The following UNC80 variants were observed in gnomAD, a reference collection of about 807,000 sequenced individuals.
UNC80 encodes the protein unc-80 subunit of NALCN channel complex.
In UNC80, 164 loss-of-function variants were observed where a neutral mutation model predicts 384.6. That is an observed-to-expected ratio of 0.43 (90% CI 0.38 to 0.49). The LOEUF (loss-of-function observed/expected upper bound fraction) is 0.49. Among genes scored for constraint, UNC80 ranks in the 20% least tolerant of loss-of-function variants. The pLI is 0.00. For synonymous variants in UNC80, 1,486 were observed against 1,527.8 expected (o/e 0.97, Z 0.64); for missense variants, 3,330 against 4,143.0 (o/e 0.80, Z 5.39).
intron 59 of UNC80, among the ~76,000 whole-genome samples, chr2:209,980,324 C>T (rs905411718): frequency 6.6e-6 from 1 of 152,020 alleles, no homozygotes; most frequent in African/African-American, 2.4e-5. Context: ...TTGCAGGTAA[C>T]CTTATAAATA....
chr2:209,977,068 T>C lies in UNC80; in HGVS notation c.8928T>C (p.His2976=), dbSNP rs2093032495. 1 of 1,519,566 alleles carries C rather than the reference T, an allele frequency of 6.6e-7. No individual in the cohort carries two copies. The highest frequency in any genetic ancestry group is 1.2e-5 in the South Asian group (1 of 82,672). The allele number at this position is 1,519,566 out of a possible 1,614,324, so 94.1% of individuals were successfully genotyped here. ...TAAAAATTCTAAAAGAGGCAGTTCA[T>C]AGTGGATCAGGTGAGTGTGCATGAG... ...SELKILKEAV[H]SGSAYQGKTS... Residue 2976 remains histidine (H), a synonymous_variant, in exon 58 of 65, where the codon CAT becomes CAC. Coordinates refer to ENST00000673920, the MANE Select transcript of UNC80 (RefSeq NM_001371986.1).
At chr2:209,982,377 A>T (rs748470870) in intron 60 of UNC80, 60 bp downstream of exon 60, 75 of 1,474,620 alleles carry the variant, frequency 5.1e-5, no homozygotes, top group Non-Finnish European at 6.5e-5. Context: ...AATTCTGAAA[A>T]TACACTCCTG....
At chr2:209,776,789 G>C (rs1302728930) in intron 3 of UNC80, among the ~76,000 whole-genome samples, 1 of 152,090 alleles carries the variant, frequency 6.6e-6, no homozygotes, top group Non-Finnish European at 1.5e-5. Flanking sequence ...ATGTGCATAA[G>C]AACTATTTTT....
intron 26 of UNC80, among the ~76,000 whole-genome samples, chr2:209,889,900 G>A (rs1022706376): frequency 3.9e-5 from 6 of 152,058 alleles, no homozygotes; most frequent in African/African-American, 1.4e-4. Flanking sequence ...TAGTAGAGAT[G>A]AGGTTTCACC....
At chr2:209,842,562 A>G in intron 21 of UNC80, 116 bp downstream of exon 21, 1 of 764,724 alleles carries the variant, frequency 1.3e-6, no homozygotes, top group Non-Finnish European at 2.1e-6. Flanking sequence ...TTTCTTTCTC[A>G]TACATGCCTT....
intron 46 of UNC80, 123 bp downstream of exon 46, chr2:209,945,312 C>A: frequency 9.7e-7 from 1 of 1,031,444 alleles, no homozygotes; most frequent in East Asian, 2.9e-5. Flanking sequence ...ATCAAAGTAG[C>A]AAAAATAAAT....
intron 31 of UNC80, among the ~76,000 whole-genome samples, chr2:209,915,404 CAAAA>C (rs5838189): frequency 1.3e-5 from 1 of 76,988 alleles, no homozygotes; most frequent in Admixed American, 1.4e-4. Context: ...GACTCTGTCT[CAAAA>C]AAAAAAAAAA....
At chr2:209,812,129 A>G in intron 7 of UNC80, among the ~76,000 whole-genome samples, 1 of 152,006 alleles carries the variant, frequency 6.6e-6, no homozygotes, top group Non-Finnish European at 1.5e-5. Context: ...GGCTCACTGC[A>G]AGCTCCGCCT....
intron 22 of UNC80, among the ~76,000 whole-genome samples, chr2:209,866,497 C>CAA (rs2083800776): frequency 4.2e-5 from 5 of 120,270 alleles, no homozygotes; most frequent in African/African-American, 1.6e-4. Flanking sequence ...CCCCCACACA[C>CAA]ACACACACAC....
Position 209,873,344 on chromosome 2 carries a change from T to C in UNC80, c.3840+374T>C, listed in dbSNP as rs1275640536. Reference sequence around the variant, plus strand: ...TCTTTTTGAAAGTCATTGTTATAATTGTAAAATACACCCTTATTTCAGTTT... The same window carrying C: ...TCTTTTTGAAAGTCATTGTTATAATCGTAAAATACACCCTTATTTCAGTTT... On this transcript the variant is annotated intron_variant, in intron 23 of 64. Coordinates refer to ENST00000673920, the MANE Select transcript of UNC80 (RefSeq NM_001371986.1). Among the ~76,000 whole-genome samples, 4 of 152,212 alleles carry C rather than the reference T, an allele frequency of 2.6e-5. No homozygotes were observed. In the East Asian group the frequency reaches 7.7e-4, roughly 29 times the overall value.
chr2:209,803,385 C>T (rs2153826457), intron 7 of UNC80, among the ~76,000 whole-genome samples: 1 of 152,218 alleles, frequency 6.6e-6, no homozygotes, highest in East Asian at 1.9e-4. Context: ...TATTTGATGA[C>T]AACAAAGTTA....
At chr2:209,780,199 C>T (rs1439298331) in intron 4 of UNC80, among the ~76,000 whole-genome samples, 1 of 152,154 alleles carries the variant, frequency 6.6e-6, no homozygotes, top group Non-Finnish European at 1.5e-5. Context: ...GAAAAGCTGA[C>T]TTAAGACCCT....
intron 29 of UNC80, among the ~76,000 whole-genome samples, chr2:209,910,809 C>T (rs989073162): frequency 2.6e-5 from 4 of 151,954 alleles, no homozygotes; most frequent in African/African-American, 9.7e-5. Context: ...ATTTAAGAAT[C>T]ATATTTTCAA....
intron 38 of UNC80, among the ~76,000 whole-genome samples, 160 bp from the exon 39 acceptor site, chr2:209,933,662 T>G (rs2091048758): frequency 6.6e-6 from 1 of 152,130 alleles, no homozygotes; most frequent in Non-Finnish European, 1.5e-5. Flanking sequence ...TTTCCAGTTA[T>G]GCCCTCTCCT....
chr2:209,849,783 A>G (rs2124838810), intron 22 of UNC80, among the ~76,000 whole-genome samples, 160 bp downstream of exon 22: 1 of 152,178 alleles, frequency 6.6e-6, no homozygotes, highest in Admixed American at 6.6e-5. Context: ...AAAAGGGAGA[A>G]AAATCTTAAT....
intron 43 of UNC80, 60 bp from the exon 44 acceptor site, chr2:209,941,161 C>T (rs2091605479): frequency 6.9e-7 from 1 of 1,449,514 alleles, no homozygotes; most frequent in Admixed American, 2.5e-5. Flanking sequence ...TTGATCACCT[C>T]TCATGCTGAC....
chr2:209,898,384 A>G (rs2087019430), intron 28 of UNC80, among the ~76,000 whole-genome samples: 1 of 152,190 alleles, frequency 6.6e-6, no homozygotes, highest in Non-Finnish European at 1.5e-5. Context: ...TAGCTGCATC[A>G]TGCAAGGTTG....
intron 41 of UNC80, 37 bp downstream of exon 41, chr2:209,936,970 C>T: frequency 7.1e-7 from 1 of 1,417,528 alleles, no homozygotes; most frequent in Non-Finnish European, 9.8e-7. Context: ...TTGAGTTGTG[C>T]CAAAGGCTTA....
chr2:209,809,231 A>C, intron 7 of UNC80: 1 of 694,008 alleles, frequency 1.4e-6, no homozygotes, highest in East Asian at 2.6e-5. Flanking sequence ...AAGGATTCCC[A>C]GTTTCAAAAA....
Sources: gnomAD v4.1 joint callset for allele counts (sites outside exome capture counted in the v4.1 genomes callset) on GRCh38, gnomAD v4.1.1 for gene constraint, MANE v1.5 for transcripts, NCBI Gene and HGNC (gene_info 2026-07-23, HGNC 2026-07-21) for gene names.